RNF216: variants seen among roughly 807,000 people sequenced by gnomAD.
The protein encoded by RNF216 is ring finger protein 216.
A neutral mutation model predicts 110.8 loss-of-function variants in RNF216; 72 were observed. The observed-to-expected ratio is 0.65, with a 90% CI of 0.54 to 0.79. RNF216 has a LOEUF of 0.79. RNF216 is among the 30% of genes least tolerant of loss of function. The probability of loss-of-function intolerance (pLI) is 0.00; values close to 1 mark genes in which losing one functional copy is unlikely to be tolerated. For missense variants in RNF216, 1,342 were observed against 1,141.2 expected (o/e 1.18, Z -2.54); for synonymous variants, 495 against 407.5 (o/e 1.21, Z -2.59).
intron 8 of RNF216, among the ~76,000 whole-genome samples, chr7:5,723,646 CA>C (rs948474564): frequency 1.3e-3 from 181 of 136,616 alleles, no homozygotes; most frequent in South Asian, 1.6e-3. Flanking sequence ...GACTCCGTCT[CA>C]AAAAAAAAAA....
At chr7:5,636,918 C>T (rs1042436952) in intron 15 of RNF216, among the ~76,000 whole-genome samples, 1 of 152,124 alleles carries the variant, frequency 6.6e-6, no homozygotes, top group African/African-American at 2.4e-5. Flanking sequence ...CAATCCCAGG[C>T]ATGGGAAGCA....
intron 1 of RNF216, among the ~76,000 whole-genome samples, chr7:5,768,700 C>T (rs1032268682): frequency 2.7e-5 from 4 of 146,614 alleles, no homozygotes; most frequent in African/African-American, 1.0e-4. Flanking sequence ...CTTGCTCTGT[C>T]GCCCAGGCTG....
intron 15 of RNF216, among the ~76,000 whole-genome samples, chr7:5,630,368 G>A (rs1379328893): frequency 6.6e-6 from 1 of 152,062 alleles, no homozygotes; most frequent in Non-Finnish European, 1.5e-5. Flanking sequence ...AGGGTGAGAA[G>A]CCAATCATCT....
At chr7:5,719,942 A>G (rs937255329) in intron 9 of RNF216, among the ~76,000 whole-genome samples, 5 of 152,252 alleles carry the variant, frequency 3.3e-5, no homozygotes, top group African/African-American at 1.2e-4. Context: ...TTTATTACAC[A>G]GAATATTGAA....
chr7:5,647,333 T>C (rs1456680371), intron 14 of RNF216, among the ~76,000 whole-genome samples: 1,774 of 105,264 alleles, frequency 0.017, 15 homozygotes, highest in African/African-American at 0.069. Flanking sequence ...TCTTTCTTTT[T>C]TTTTTTTTTT....
At chr7:5,740,262 G>T (rs1270002598) in intron 4 of RNF216, among the ~76,000 whole-genome samples, 1 of 151,628 alleles carries the variant, frequency 6.6e-6, no homozygotes, top group East Asian at 2.0e-4. Flanking sequence ...AAGAAGTTGG[G>T]ACTACAGGCG....
At chr7:5,630,802 T>G (rs1217106626) in intron 15 of RNF216, among the ~76,000 whole-genome samples, 1 of 152,162 alleles carries the variant, frequency 6.6e-6, no homozygotes, top group East Asian at 1.9e-4. Context: ...GACCTCAGTT[T>G]CACCACAGCT....
Position 5,696,592 on chromosome 7 carries a change from G to A in RNF216, c.2061+15169C>T, listed in dbSNP as rs575578589. Among the ~76,000 whole-genome samples the A allele has an allele frequency of 3.3e-5, 5 of 152,252 alleles. No individual in the cohort carries two copies. Among genetic ancestry groups the A allele is most frequent in the East Asian group, 3.9e-4 (2 of 5,180 alleles). On this transcript the variant is annotated intron_variant, in intron 13 of 16. Transcript: ENST00000389902. The surrounding 1 kb of genome is among the most constrained non-coding windows in gnomAD (Gnocchi z 5.4). ...GCCCAAGATCGTGTCCTATGGTCTC[G>A]CTTCGGCCGCTCTTCACCAAAGCCT...
intron 7 of RNF216, among the ~76,000 whole-genome samples, chr7:5,729,218 G>A (rs1323265983): frequency 1.3e-5 from 2 of 152,166 alleles, no homozygotes; most frequent in African/African-American, 4.8e-5. Flanking sequence ...TGTTTTTACG[G>A]TCAAAGCAGA....
At chr7:5,757,419 T>TGC (rs1260430916) in intron 2 of RNF216, among the ~76,000 whole-genome samples, 1 of 151,890 alleles carries the variant, frequency 6.6e-6, no homozygotes, top group Admixed American at 6.6e-5. Context: ...TTTTTGTGTG[T>TGC]GTGTGTGGCT....
At chr7:5,652,707 C>T (rs186625174) in intron 13 of RNF216, among the ~76,000 whole-genome samples, 197 bp from the exon 14 acceptor site, 5 of 152,154 alleles carry the variant, frequency 3.3e-5, no homozygotes, top group Middle Eastern at 3.4e-3. Flanking sequence ...AGGTGGCTGA[C>T]GCCTGTAGTA....
At chr7:5,780,571 C>T (rs1415523006) in intron 1 of RNF216, among the ~76,000 whole-genome samples, 1 of 152,024 alleles carries the variant, frequency 6.6e-6, no homozygotes, top group Non-Finnish European at 1.5e-5. Context: ...GTGGCAAATG[C>T]CTGTAATCCC....
At chr7:5,626,107 A>ATC (rs1388530494) in intron 15 of RNF216, among the ~76,000 whole-genome samples, 1 of 152,186 alleles carries the variant, frequency 6.6e-6, no homozygotes, top group East Asian at 1.9e-4. Context: ...ACACCACAGA[A>ATC]TCCTATGTCT....
Position 5,712,840 on chromosome 7 carries a change from G to A in RNF216, c.1857C>T (p.Gly619=). The change falls in exon 12 of 17, where the codon GGC becomes GGT. Residue 619 remains glycine (G), a synonymous_variant. Transcript: ENST00000389902. ...TGGTTGGGAACGAACACGTGCAGCT[G>A]CCTTCCATGCAGCTGAGCTCCAACT... ...SGKLELSCME[G]SCTCSFPTSE... 1 of 1,613,794 alleles carries A rather than the reference G, an allele frequency of 6.2e-7. No individual in the cohort carries two copies. The highest frequency in any genetic ancestry group is 8.5e-7 in the Non-Finnish European group (1 of 1,179,904).
chr7:5,628,039 T>C (rs1325937147), intron 15 of RNF216, among the ~76,000 whole-genome samples: 1 of 152,198 alleles, frequency 6.6e-6, no homozygotes, highest in African/African-American at 2.4e-5. Context: ...TGGAGGACAC[T>C]GCAGATAGAA....
intron 3 of RNF216, among the ~76,000 whole-genome samples, chr7:5,747,063 C>G (rs1287770582): frequency 6.6e-6 from 1 of 152,200 alleles, no homozygotes; most frequent in African/African-American, 2.4e-5. Context: ...CCCATTTTAC[C>G]TGAATACTGC....
chr7:5,740,104 C>CTTTTT (rs71004698), intron 4 of RNF216, among the ~76,000 whole-genome samples: 70 of 118,478 alleles, frequency 5.9e-4, no homozygotes, highest in Non-Finnish European at 1.0e-3. Flanking sequence ...GATGTAACAC[C>CTTTTT]TTTTTTTTTT....
intron 10 of RNF216, among the ~76,000 whole-genome samples, chr7:5,715,744 T>C (rs1473301721): frequency 2.0e-4 from 3 of 15,270 alleles, no homozygotes; most frequent in Non-Finnish European, 1.9e-3. Context: ...TTCTTTTTTT[T>C]TTTTTTTTTT....
intron 13 of RNF216, among the ~76,000 whole-genome samples, chr7:5,656,455 G>A (rs988183857): frequency 2.0e-5 from 3 of 152,148 alleles, no homozygotes; most frequent in African/African-American, 4.8e-5. Flanking sequence ...CGTGGCCATC[G>A]CGCGGGACCA....
Sources: allele counts gnomAD v4.1 joint callset (sites outside exome capture counted in the v4.1 genomes callset), GRCh38; gene constraint gnomAD v4.1.1; non-coding constraint Gnocchi (gnomAD v3.1); transcripts MANE v1.5; gene names NCBI Gene and HGNC (gene_info 2026-07-23, HGNC 2026-07-21).